Variants in PIK3C2G observed in about 807,000 individuals in gnomAD.
PIK3C2G encodes the protein phosphatidylinositol-4-phosphate 3-kinase catalytic subunit type 2 gamma.
A neutral mutation model predicts 181.1 loss-of-function variants in PIK3C2G; 168 were observed. The ratio of observed to expected loss-of-function variants is 0.93; its 90% CI spans 0.82 to 1.05. The LOEUF is 1.05. Ranked by LOEUF, PIK3C2G falls within the 50% of genes least tolerant of loss-of-function variation. The probability of loss-of-function intolerance (pLI) is 0.00; values close to 1 mark genes in which losing one functional copy is unlikely to be tolerated. For synonymous variants in PIK3C2G, 573 were observed against 592.2 expected, an observed-to-expected ratio of 0.97 and a Z score of 0.47; for missense variants, 1,869 against 1,732.8, an observed-to-expected ratio of 1.08 and a Z score of -1.40.
chr12:18,705,429 G>A, the PIK3C2G span: 3 of 1,290,954 alleles, frequency 2.3e-6, no homozygotes, highest in Non-Finnish European at 3.3e-6. Flanking sequence ...TAGTACCTTT[G>A]CAAAATAACT....
At chr12:18,481,279 T>C (rs561462065) in intron 18 of PIK3C2G, among the ~76,000 whole-genome samples, 2 of 152,228 alleles carry the variant, frequency 1.3e-5, no homozygotes, top group South Asian at 2.1e-4. Context: ...AATCACCAAT[T>C]TGGGGGCTCA....
At chr12:18,638,051 G>A (rs1216706943) in intron 31 of PIK3C2G, among the ~76,000 whole-genome samples, 1 of 152,102 alleles carries the variant, frequency 6.6e-6, no homozygotes, top group Non-Finnish European at 1.5e-5. Flanking sequence ...TCCTACACCT[G>A]TTACCCAGAT....
intron 4 of PIK3C2G, among the ~76,000 whole-genome samples, chr12:18,292,227 A>AAAAAAAAATATATATAT: frequency 8.2e-5 from 4 of 48,728 alleles, no homozygotes; most frequent in African/African-American, 2.2e-4. Context: ...AAAAAAAAAA[A>AAAAAAAAATATATATAT]ATATATATAT....
At chr12:18,476,519 A>C (rs1199533572) in intron 18 of PIK3C2G, among the ~76,000 whole-genome samples, 2 of 152,162 alleles carry the variant, frequency 1.3e-5, no homozygotes, top group Non-Finnish European at 2.9e-5. Context: ...AGGGCGGGAA[A>C]AAATTCACAG....
rs146305780 is a variant in PIK3C2G at position 18,360,275 on chromosome 12, A to T, written c.1626-2489A>T. Among the ~76,000 whole-genome samples the T allele has an allele frequency of 2.9e-3, 439 of 152,002 alleles. 1 individual carries two copies. Among genetic ancestry groups the T allele is most frequent in the African/African-American group, 9.8e-3 (407 of 41,482 alleles). ...TCACATACGAAAACTCTGTACTTCT[A>T]TTTCTCCTCCCACCACACTTTATGT... On this transcript the variant is annotated intron_variant, in intron 11 of 32. Transcript: ENST00000538779.
the PIK3C2G span, chr12:18,719,430 C>A: frequency 6.9e-7 from 1 of 1,450,780 alleles, no homozygotes; most frequent in Non-Finnish European, 9.2e-7. Context: ...AAAATAAATA[C>A]CTTACATATC....
chr12:18,607,892 T>A (rs758590847), intron 30 of PIK3C2G, among the ~76,000 whole-genome samples: 41 of 152,070 alleles, frequency 2.7e-4, no homozygotes, highest in Non-Finnish European at 5.6e-4. Context: ...GGGCGAAGAA[T>A]ATAAATAAGA....
chr12:18,405,631 T>C (rs983019700), intron 16 of PIK3C2G, among the ~76,000 whole-genome samples: 5 of 152,140 alleles, frequency 3.3e-5, no homozygotes, highest in Middle Eastern at 3.2e-3. Context: ...CTTAGAACTC[T>C]TGAAAAAGAT....
At chr12:18,269,914 T>TTC (rs1442943976) in intron 1 of PIK3C2G, among the ~76,000 whole-genome samples, 2 of 145,486 alleles carry the variant, frequency 1.4e-5, no homozygotes, top group African/African-American at 2.5e-5. Context: ...TTTCTTTTCT[T>TTC]TTTTTTTTTT....
At chr12:18,586,142 G>A (rs1455202048) in intron 29 of PIK3C2G, among the ~76,000 whole-genome samples, 1 of 152,008 alleles carries the variant, frequency 6.6e-6, no homozygotes, top group Admixed American at 6.6e-5. Flanking sequence ...AAAAGAACTA[G>A]GGTATCAAGA....
chr12:18,425,828 G>A (rs1945776173), intron 18 of PIK3C2G, among the ~76,000 whole-genome samples: 1 of 152,170 alleles, frequency 6.6e-6, no homozygotes, highest in African/African-American at 2.4e-5. Flanking sequence ...ATGATTCTGT[G>A]AAAAGATTTC....
chr12:18,725,875 C>A, the PIK3C2G span, among the ~76,000 whole-genome samples: 1 of 152,090 alleles, frequency 6.6e-6, no homozygotes, highest in Non-Finnish European at 1.5e-5. Flanking sequence ...CTCTAGAAAT[C>A]TTCCTCTGTA....
chr12:18,464,639 T>C (rs1164244497), intron 18 of PIK3C2G, among the ~76,000 whole-genome samples: 1 of 152,102 alleles, frequency 6.6e-6, no homozygotes, highest in East Asian at 1.9e-4. Context: ...ATCACTAATG[T>C]TTACACCCTT....
chr12:18,718,706 C>G, the PIK3C2G span, among the ~76,000 whole-genome samples: 1 of 152,196 alleles, frequency 6.6e-6, no homozygotes, highest in African/African-American at 2.4e-5. Flanking sequence ...CCCACAGTCA[C>G]TTTCTATCAC....
intron 1 of PIK3C2G, among the ~76,000 whole-genome samples, chr12:18,253,016 A>G (rs1948109938): frequency 6.6e-6 from 1 of 152,162 alleles, no homozygotes; most frequent in Non-Finnish European, 1.5e-5. Context: ...AATGTTCCAT[A>G]TCCTGACAAG....
At chr12:18,548,548 G>T (rs571072308) in intron 26 of PIK3C2G, among the ~76,000 whole-genome samples, 5 of 151,900 alleles carry the variant, frequency 3.3e-5, no homozygotes, top group African/African-American at 9.7e-5. Context: ...TCTTGCCTAC[G>T]GTGACCTATC....
chr12:18,244,427 T>C (rs937492174), upstream of PIK3C2G, among the ~76,000 whole-genome samples: 4 of 151,946 alleles, frequency 2.6e-5, no homozygotes, highest in East Asian at 5.8e-4. Context: ...GCTTAAAAGG[T>C]ATAATAAAAC....
At chr12:18,245,238 C>T (rs894489561), upstream of PIK3C2G, among the ~76,000 whole-genome samples, 1 of 151,974 alleles carries the variant, frequency 6.6e-6, no homozygotes, top group East Asian at 1.9e-4. Context: ...TCAGAAACAA[C>T]GTTCGATCCT....
the PIK3C2G span, among the ~76,000 whole-genome samples, chr12:18,676,087 C>T: frequency 6.6e-6 from 1 of 152,100 alleles, no homozygotes; most frequent in South Asian, 2.1e-4. Context: ...CTTTCTCATT[C>T]TTCCTGCTTT....
Sources: gnomAD v4.1 joint callset for allele counts (sites outside exome capture counted in the v4.1 genomes callset) on GRCh38, gnomAD v4.1.1 for gene constraint, MANE v1.5 for transcripts, NCBI Gene and HGNC (gene_info 2026-07-23, HGNC 2026-07-21) for gene names.